Variants in TMPRSS5 observed in about 807,000 individuals in gnomAD.
TMPRSS5 encodes the protein transmembrane serine protease 5, also known as transmembrane protease serine 5.
TMPRSS5 carries 45 observed loss-of-function variants against 59.7 expected under a neutral mutation model. The ratio of observed to expected loss-of-function variants is 0.75; its 90% confidence interval spans 0.59 to 0.97. The LOEUF (loss-of-function observed/expected upper bound fraction) is 0.97, where lower values mean the gene tolerates loss of function less well. Among genes scored for constraint, TMPRSS5 ranks in the 50% least tolerant of loss-of-function variants. The probability of loss-of-function intolerance (pLI) is 0.00; values close to 1 mark genes in which losing one functional copy is unlikely to be tolerated. For synonymous variants in TMPRSS5, 225 were observed against 232.0 expected (o/e 0.97, Z 0.27); for missense variants, 585 against 596.7 (o/e 0.98, Z 0.20).
intron 8 of TMPRSS5, 184 bp downstream of exon 8, chr11:113,694,294 A>C: frequency 2.2e-6 from 1 of 455,464 alleles, no homozygotes; most frequent in Non-Finnish European, 3.8e-6. Context: ...TCTTCATATT[A>C]TTACTGTTAT....
At chr11:113,699,219 CT>C (rs1565263366) in intron 3 of TMPRSS5, among the ~76,000 whole-genome samples, 192 bp from the exon 4 acceptor site, 5 of 26,776 alleles carry the variant, frequency 1.9e-4, no homozygotes, top group African/African-American at 1.0e-3. Context: ...CTGTCTCTCT[CT>C]CTCTCTCTCT....
chr11:113,700,000 G>A, intron 2 of TMPRSS5, 66 bp downstream of exon 2: 1 of 1,550,186 alleles, frequency 6.5e-7, no homozygotes, highest in East Asian at 2.4e-5. Context: ...AGGATCCGGG[G>A]AATGTAGGAT....
intron 9 of TMPRSS5, 83 bp from the exon 10 acceptor site, chr11:113,691,022 C>A: frequency 7.7e-7 from 1 of 1,303,206 alleles, no homozygotes; most frequent in Non-Finnish European, 1.1e-6. Flanking sequence ...CCAGGACTGG[C>A]AAGTCCTCCT....
intron 1 of TMPRSS5, among the ~76,000 whole-genome samples, chr11:113,705,197 T>C (rs149258960): frequency 1.8e-3 from 276 of 152,350 alleles, no homozygotes; most frequent in Non-Finnish European, 2.8e-3. Context: ...GTGATTTTCA[T>C]GTGTCACATG....
chr11:113,694,361 C>A, intron 8 of TMPRSS5, 117 bp downstream of exon 8: 2 of 1,091,338 alleles, frequency 1.8e-6, no homozygotes, highest in South Asian at 1.6e-5. Flanking sequence ...CCAGTCTTAC[C>A]CTTTTGGAGC....
chr11:113,698,881 C>T (rs752795049), intron 4 of TMPRSS5, 24 bp downstream of exon 4: 74 of 1,573,052 alleles, frequency 4.7e-5, no homozygotes, highest in Admixed American at 1.7e-4. Context: ...GAGGGAGGCC[C>T]GTAGCCTTAG....
In TMPRSS5 at chr11:113,698,944, T is replaced by G; in HGVS notation, c.289A>C (p.Ser97Arg). ...EEITLSCSEA[S>R]AEEALLPALP... is the part of the protein sequence containing the mutation. ...GCAGGGAGCAGAGCTTCCTCAGCGC[T>G]GGCCTCTGAGCAGCTCAAAGTTATC... The change falls in exon 4 of 13, where the codon AGC (serine) becomes CGC (arginine). Residue 97 changes from serine to arginine, a missense_variant. Transcript: ENST00000299882. 6.3e-7 allele frequency: 1 copy of G among 1,598,228 alleles called. No homozygotes were observed. Among genetic ancestry groups the G allele is most frequent in the Non-Finnish European group, 8.5e-7 (1 of 1,172,490 alleles).
At chr11:113,688,616 C>G (rs566029036) in intron 12 of TMPRSS5, among the ~76,000 whole-genome samples, 2 of 152,204 alleles carry the variant, frequency 1.3e-5, no homozygotes, top group East Asian at 3.9e-4. Flanking sequence ...TGTCGCCCAG[C>G]CTGGAGTGCA....
At chr11:113,694,724 G>A (rs1952880994) in intron 7 of TMPRSS5, 84 bp from the exon 8 acceptor site, 2 of 1,356,498 alleles carry the variant, frequency 1.5e-6, no homozygotes, top group Non-Finnish European at 2.0e-6. Context: ...GTGGCCCAGT[G>A]CTAAGCCCCA....
rs778995191 is a variant in TMPRSS5 at position 113,693,169 on chromosome 11, G to C, written c.866C>G (p.Ala289Gly). The C allele has an allele frequency of 1.2e-6, 2 of 1,603,638 alleles. No homozygotes were observed. The highest frequency in any genetic ancestry group is 3.4e-5 in the Admixed American group (2 of 58,586). ...SHSAVRPHQG[A>G]LVERIIPHPL... The stretch of plus-strand genomic sequence containing the variant: ...GTGTGGGATAATCCTCTCCACCAGA[G>C]CCCCTTGGTGGGGCCTGACGGCACT... The change falls in exon 9 of 13, where the codon GCT (alanine) becomes GGT (glycine). Residue 289 changes from alanine to glycine, a missense_variant. By Grantham distance (60) the Ala-to-Gly change is moderately conservative (BLOSUM62 0). Transcript: ENST00000299882.
intron 7 of TMPRSS5, 110 bp downstream of exon 7, chr11:113,695,290 C>A (rs758700799): frequency 8.2e-7 from 1 of 1,225,852 alleles, no homozygotes; most frequent in Non-Finnish European, 1.2e-6. Context: ...GTGGGCAAGA[C>A]CCCTACCCCA....
In TMPRSS5 at chr11:113,690,864, C is replaced by T; in HGVS notation, c.1040G>A (p.Trp347Ter). 6.3e-7 allele frequency: 1 copy of T among 1,593,190 alleles called. No homozygotes were observed. Among genetic ancestry groups the T allele is most frequent in the South Asian group, 1.1e-5 (1 of 87,378 alleles). The change falls in exon 10 of 13, where the codon TGG (tryptophan) becomes TAG (stop). Residue 347 changes from tryptophan to a stop codon, truncating the protein, a stop_gained. Coordinates refer to ENST00000299882, the MANE Select transcript of TMPRSS5 (RefSeq NM_030770.4). LOFTEE classifies it high-confidence loss of function. Reference protein sequence around the residue: ...PKGSRCWVSGWGHTHPSHTYS... With the variant: ...PKGSRCWVSG ...ACTATGGCTAGGGTGGGTGTGGCCC[C>T]AGCCAGACACCCAGCACCGCGAGCC...
chr11:113,699,201 T>TTGTC (rs1165420636), intron 3 of TMPRSS5, among the ~76,000 whole-genome samples, 174 bp from the exon 4 acceptor site: 752 of 63,826 alleles, frequency 0.012, 32 homozygotes, highest in African/African-American at 0.035. Flanking sequence ...TGACTCTCCT[T>TTGTC]TGTCTGTCTG....
rs1468694710 is a variant in TMPRSS5 at position 113,700,273 on chromosome 11, A to G, written c.4-105T>C. 1.5e-5 allele frequency: 15 copies of G among 1,030,556 alleles called. 1 individual carries two copies. The highest frequency in any genetic ancestry group is 2.1e-5 in the Non-Finnish European group (15 of 725,914). 63.8% of individuals were successfully genotyped at this position (1,030,556 alleles called of 1,614,324 possible). A position where few individuals can be genotyped will look rare whatever the true frequency, so the allele number is the denominator to read the frequency against. On this transcript the variant is annotated intron_variant, in intron 1 of 12. Transcript: ENST00000299882. Reference sequence around the variant, plus strand: ...ATTCTTTAACCCCAGCCATGATTCCATTGCCACTTGTAAACCTCTACTCAT... The same window carrying G: ...ATTCTTTAACCCCAGCCATGATTCCGTTGCCACTTGTAAACCTCTACTCAT...
intron 1 of TMPRSS5, among the ~76,000 whole-genome samples, chr11:113,703,378 G>A (rs1040110837): frequency 6.6e-6 from 1 of 152,186 alleles, no homozygotes; most frequent in Non-Finnish European, 1.5e-5. Flanking sequence ...GTATCCCATT[G>A]TATCTAGGAA....
At position 113,694,465 on chromosome 11, in the gene TMPRSS5, C is replaced by T. The variant is rs775406500; in HGVS notation, c.785+13G>A. The T allele has an allele frequency of 1.3e-6, 2 of 1,557,150 alleles. No individual in the cohort carries two copies. Among genetic ancestry groups the T allele is most frequent in the East Asian group, 2.4e-5 (1 of 41,332 alleles). ...ACTGAGGCTCTCTGTCCTCAGCAGC[C>T]ACAGAGACTTGCCTGTGCATACAAT... On this transcript the variant is annotated intron_variant, in intron 8 of 12. Coordinates refer to ENST00000299882, the MANE Select transcript of TMPRSS5 (RefSeq NM_030770.4).
chr11:113,703,535 A>C (rs1299681555), intron 1 of TMPRSS5, among the ~76,000 whole-genome samples: 1 of 152,220 alleles, frequency 6.6e-6, no homozygotes, highest in Non-Finnish European at 1.5e-5. Context: ...TTGTGTTTTG[A>C]AATGAGGACA....
chr11:113,695,264 G>C (rs934017060), intron 7 of TMPRSS5, 136 bp downstream of exon 7: 2 of 865,698 alleles, frequency 2.3e-6, no homozygotes, highest in Middle Eastern at 2.9e-4. Flanking sequence ...AAGGGGCCTG[G>C]CAGGCAGATG....
Position 113,701,121 on chromosome 11 carries a change from C to T in TMPRSS5, c.4-953G>A, listed in dbSNP as rs145568777. Among the ~76,000 whole-genome samples, 31 of 152,288 alleles carry T rather than the reference C, an allele frequency of 2.0e-4. No individual in the cohort carries two copies. The East Asian group carries it at 3.5e-3, about 17-fold the overall frequency. On this transcript the variant is annotated intron_variant, in intron 1 of 12. Transcript: ENST00000299882. ...CTTTGCTTTATAAATTACTCAGTCT[C>T]CAGTAATTCTTTATAGCAGTGTGAG...
Sources: allele counts gnomAD v4.1 joint callset (sites outside exome capture counted in the v4.1 genomes callset), GRCh38; gene constraint gnomAD v4.1.1; transcripts MANE v1.5; gene names NCBI Gene and HGNC (gene_info 2026-07-23, HGNC 2026-07-21).